The following IPMK variants were observed in gnomAD, a reference collection of about 807,000 sequenced individuals.
IPMK encodes the protein inositol polyphosphate multikinase.
IPMK carries 17 observed loss-of-function variants against 45.8 expected under a neutral mutation model. That is an observed-to-expected ratio of 0.37 (90% CI 0.25 to 0.56). The LOEUF is 0.56. Among genes scored for constraint, IPMK ranks in the 20% least tolerant of loss-of-function variants. IPMK has a pLI of 0.79. For missense variants in IPMK, 399 were observed against 498.0 expected (o/e 0.80, Z 1.89); for synonymous variants, 180 against 184.3 (o/e 0.98, Z 0.19).
At chr10:58,229,107 T>C (rs565377377) in intron 2 of IPMK, among the ~76,000 whole-genome samples, 1 of 152,044 alleles carries the variant, frequency 6.6e-6, no homozygotes, top group East Asian at 1.9e-4. Flanking sequence ...CCCCAACCAC[T>C]GAACTCCAAG....
chr10:58,242,708 A>C (rs1207888487), intron 1 of IPMK, among the ~76,000 whole-genome samples: 1 of 152,182 alleles, frequency 6.6e-6, no homozygotes, highest in Non-Finnish European at 1.5e-5. Context: ...AAATCAGAAG[A>C]AAGCATCCCA....
intron 1 of IPMK, among the ~76,000 whole-genome samples, chr10:58,252,476 G>A (rs1466122361): frequency 3.3e-5 from 5 of 149,322 alleles, no homozygotes; most frequent in African/African-American, 4.9e-5. Context: ...TAGGTTCAGC[G>A]GTCCATGTGC....
At chr10:58,206,625 CTAT>C (rs530571358) in intron 4 of IPMK, among the ~76,000 whole-genome samples, 5 of 152,006 alleles carry the variant, frequency 3.3e-5, no homozygotes, top group Non-Finnish European at 5.9e-5. Context: ...GAAGAGTTTA[CTAT>C]TATTATTATT....
At chr10:58,250,843 T>A (rs974634111) in intron 1 of IPMK, among the ~76,000 whole-genome samples, 2 of 152,210 alleles carry the variant, frequency 1.3e-5, no homozygotes, top group African/African-American at 4.8e-5. Flanking sequence ...TTCTGAAGTA[T>A]GTTCCTTCTA....
intron 1 of IPMK, among the ~76,000 whole-genome samples, chr10:58,266,336 A>G (rs1055914134): frequency 2.0e-5 from 3 of 152,248 alleles, no homozygotes; most frequent in African/African-American, 7.2e-5. Context: ...ACTCAAATTA[A>G]TACTTATCCA....
intron 3 of IPMK, 115 bp from the exon 4 acceptor site, chr10:58,216,432 T>A: frequency 2.1e-6 from 1 of 482,180 alleles, no homozygotes; most frequent in Non-Finnish European, 3.5e-6. Context: ...TTAAAATAAA[T>A]GTAAAGTCAA....
At chr10:58,197,933 G>A (rs1445841881) in intron 5 of IPMK, among the ~76,000 whole-genome samples, 3 of 142,890 alleles carry the variant, frequency 2.1e-5, no homozygotes, top group Non-Finnish European at 4.5e-5. Context: ...GGAGGCTGAG[G>A]CACGAGAATC....
intron 1 of IPMK, among the ~76,000 whole-genome samples, chr10:58,248,583 T>C (rs997840438): frequency 6.6e-6 from 1 of 152,200 alleles, no homozygotes; most frequent in Non-Finnish European, 1.5e-5. Context: ...TCTAGCTATT[T>C]TGAAATATAC....
chr10:58,261,333 G>T (rs761155543), intron 1 of IPMK, among the ~76,000 whole-genome samples: 1 of 151,816 alleles, frequency 6.6e-6, no homozygotes, highest in Non-Finnish European at 1.5e-5. Flanking sequence ...AAGAGATGCT[G>T]AGGAGTGGAT....
At chr10:58,223,292 A>C (rs1838365870) in intron 3 of IPMK, among the ~76,000 whole-genome samples, 1 of 152,310 alleles carries the variant, frequency 6.6e-6, no homozygotes, top group Middle Eastern at 3.4e-3. Flanking sequence ...GGTATAAAAA[A>C]AATTCCTTTA....
intron 3 of IPMK, 65 bp downstream of exon 3, chr10:58,226,978 T>A (rs1292740341): frequency 9.8e-7 from 1 of 1,024,786 alleles, no homozygotes; most frequent in Non-Finnish European, 1.5e-6. Flanking sequence ...TAATTTTACA[T>A]AAGGCCTTTA....
chr10:58,197,326 A>AATAAATAAATACATAC (rs764500371), intron 5 of IPMK, among the ~76,000 whole-genome samples: 48 of 146,510 alleles, frequency 3.3e-4, no homozygotes, highest in Non-Finnish European at 5.8e-4. Flanking sequence ...TAAATAAATA[A>AATAAATAAATACATAC]ATACATAAAT....
In IPMK at chr10:58,224,818, G is replaced by A. The variant is rs529264223; in HGVS notation, c.373+2225C>T. On this transcript the variant is annotated intron_variant, in intron 3 of 5. Transcript: ENST00000373935. ...TTTAGACTACATAAAACACAGTAACGCAAACCATAGTATTCTACTACAACT... is the reference window on the plus strand; with the variant it reads ...TTTAGACTACATAAAACACAGTAACACAAACCATAGTATTCTACTACAACT... 2.5e-4 allele frequency among the ~76,000 whole-genome samples: 38 copies of A among 152,236 alleles called. No homozygotes were observed. The South Asian group carries it at 7.1e-3, about 28-fold the overall frequency.
In IPMK at chr10:58,196,113, T is replaced by C. The variant is rs548900003; in HGVS notation, c.1214A>G (p.His405Arg). Residue 405 changes from histidine (H) to arginine (R), a missense_variant, in exon 6 of 6, where the codon CAT (histidine) becomes CGT (arginine). This residue lies in a region of IPMK where 288 missense variants were observed against 398.0 expected (regional missense o/e 0.72). Coordinates refer to ENST00000373935, the MANE Select transcript of IPMK (RefSeq NM_152230.5). ...AATACTTCGAAGTACAGAAATTAAA[T>C]GCTTTAGCCCATAAACATATCCCTC... ...IDEGYVYGLK[H>R]LISVLRSILD... The C allele has an allele frequency of 6.2e-7, 1 of 1,613,470 alleles. No homozygotes were observed. Among genetic ancestry groups the C allele is most frequent in the Non-Finnish European group, 8.5e-7 (1 of 1,179,542 alleles).
chr10:58,218,814 T>C (rs2132154375), intron 3 of IPMK, among the ~76,000 whole-genome samples: 1 of 152,332 alleles, frequency 6.6e-6, no homozygotes, highest in African/African-American at 2.4e-5. Flanking sequence ...TAAAATCTCC[T>C]ATCTCTTACT....
At position 58,267,166 on chromosome 10, in the gene IPMK, G is replaced by T. The variant is rs543339070; in HGVS notation, c.190+256C>A. Among the ~76,000 whole-genome samples the T allele has an allele frequency of 4.6e-5, 7 of 152,310 alleles. No homozygotes were observed. In the South Asian group the frequency reaches 1.4e-3, roughly 32 times the overall value. ...CAATCAACACCCAACCTCCCTGGGG[G>T]GTGGGTGAGACCAGACACGCCTCTC... On this transcript the variant is annotated intron_variant, in intron 1 of 5. Coordinates refer to ENST00000373935, the MANE Select transcript of IPMK (RefSeq NM_152230.5).
At chr10:58,223,026 A>C (rs1383890628) in intron 3 of IPMK, among the ~76,000 whole-genome samples, 4 of 152,200 alleles carry the variant, frequency 2.6e-5, no homozygotes, top group Non-Finnish European at 5.9e-5. Flanking sequence ...GAGGGATAAA[A>C]GACTACACAC....
chr10:58,262,704 A>C (rs76256636), intron 1 of IPMK, among the ~76,000 whole-genome samples: 7,516 of 152,292 alleles, frequency 0.049, 444 homozygotes, highest in East Asian at 0.31. Context: ...CTCAATGGTC[A>C]AATTTGGGAC....
chr10:58,237,634 G>A, intron 2 of IPMK, 95 bp downstream of exon 2: 1 of 881,212 alleles, frequency 1.1e-6, no homozygotes, highest in Non-Finnish European at 1.9e-6. Context: ...TACACACAGT[G>A]ACTATGCTGT....
Sources: allele counts gnomAD v4.1 joint callset (sites outside exome capture counted in the v4.1 genomes callset), GRCh38; gene constraint gnomAD v4.1.1; regional missense constraint gnomAD v4.1.1; transcripts MANE v1.5; gene names NCBI Gene and HGNC (gene_info 2026-07-23, HGNC 2026-07-21).